RALGAPA1: variants seen among roughly 807,000 people sequenced by gnomAD.
RALGAPA1 encodes the protein ral GTPase-activating protein subunit alpha-1.
A neutral mutation model predicts 269.6 loss-of-function variants in RALGAPA1; 52 were observed. The ratio of observed to expected loss-of-function variants is 0.19; its 90% CI spans 0.15 to 0.24. The LOEUF is 0.24. Ranked by LOEUF, RALGAPA1 falls within the 10% of genes least tolerant of loss-of-function variation. The probability of loss-of-function intolerance (pLI) is 1.00; values close to 1 mark genes in which losing one functional copy is unlikely to be tolerated. For synonymous variants in RALGAPA1, 817 were observed against 1,008.3 expected (o/e 0.81, Z 3.60); for missense variants, 1,917 against 3,013.9 (o/e 0.64, Z 8.52).
rs1461339216 is a variant in RALGAPA1, at chr14:35,715,714, T to A, written c.2266+5974A>T. 5 of 985,284 alleles carry A rather than the reference T, an allele frequency of 5.1e-6. No individual in the cohort carries two copies. The East Asian group carries it at 4.5e-4, about 89-fold the overall frequency. The allele number at this position is 985,284 out of a possible 1,614,324, so 61.0% of individuals were successfully genotyped here. On this transcript the variant is annotated intron_variant, in intron 16 of 41. Transcript: ENST00000680220. ...TCAGGAAGCATTACTGACCTGAAAT[T>A]AACTTGTATCCTTCTCAAGATAACC... is the stretch of plus-strand genomic sequence containing the variant.
At chr14:35,715,241 C>T (rs1308464283) in intron 16 of RALGAPA1, among the ~76,000 whole-genome samples, 1 of 152,200 alleles carries the variant, frequency 6.6e-6, no homozygotes, top group Admixed American at 6.5e-5. Flanking sequence ...CTCTCCTTCA[C>T]ATTTCCCGTC....
At chr14:35,663,607 T>TTG (rs1555394653) in intron 27 of RALGAPA1, among the ~76,000 whole-genome samples, 2 of 150,526 alleles carry the variant, frequency 1.3e-5, no homozygotes, top group African/African-American at 4.9e-5. Flanking sequence ...TTTTTTTTTT[T>TTG]GAGACGGAGT....
intron 35 of RALGAPA1, among the ~76,000 whole-genome samples, chr14:35,624,222 A>AC (rs2060847829): frequency 6.6e-6 from 1 of 151,136 alleles, no homozygotes; most frequent in Non-Finnish European, 1.5e-5. Context: ...AAAAAAAAAA[A>AC]AAAAAAGGAG....
At chr14:35,748,422 C>A in intron 10 of RALGAPA1, 163 bp downstream of exon 10, 1 of 642,900 alleles carries the variant, frequency 1.6e-6, no homozygotes, top group Non-Finnish European at 2.2e-6. Context: ...CCATGTTGTC[C>A]AAAGTGGCCT....
At chr14:35,603,891 G>A (rs991781514) in intron 36 of RALGAPA1, among the ~76,000 whole-genome samples, 3 of 151,982 alleles carry the variant, frequency 2.0e-5, no homozygotes, top group Admixed American at 6.6e-5. Context: ...TAATGAATAC[G>A]AAACATATAG....
chr14:35,702,724 A>ATATAT lies in RALGAPA1; in HGVS notation c.2267-2423_2267-2422insATATA, dbSNP rs5807841. Among the ~76,000 whole-genome samples, 590 of 132,686 alleles carry ATATAT rather than the reference A, an allele frequency of 4.4e-3. 2 individuals carry two copies. The highest frequency in any genetic ancestry group is 0.018 in the African/African-American group (537 of 29,738). The allele number at this position is 132,686 out of a possible 152,430, so 87.0% of individuals were successfully genotyped here. A position where few individuals can be genotyped will look rare whatever the true frequency, so the allele number is the denominator to read the frequency against. On this transcript the variant is annotated intron_variant, in intron 16 of 41. Transcript: ENST00000680220. ...TGTAATCACCTTTAATTAAAAAAAA[A>ATATAT]AAATATATATATATATACATTTTTT...
rs779261664 is a variant in RALGAPA1, at chr14:35,627,127, G to A, written c.6820C>T (p.Leu2274Phe). The change falls in exon 34 of 42, where the codon CTT becomes TTT. Residue 2274 changes from leucine (L) to phenylalanine (F), a missense_variant. Around this residue, in one of 11 missense-constraint regions of RALGAPA1, gnomAD observed 132 missense variants for 271.2 expected, o/e 0.49. Transcript: ENST00000680220. The part of the protein sequence containing the change: ...PQSAFYYCRL[L>F]LSILGMNSWD... ...GAATTCATTCCCAATATACTAAGAA[G>A]CAATCTGCAATAATAAAATGCTGAC... 3.8e-6 allele frequency: 6 copies of A among 1,561,812 alleles called. No homozygotes were observed. In the South Asian group the frequency reaches 6.2e-5, roughly 16 times the overall value.
intron 4 of RALGAPA1, among the ~76,000 whole-genome samples, chr14:35,764,848 C>T (rs2074018338): frequency 6.6e-6 from 1 of 152,088 alleles, no homozygotes; most frequent in African/African-American, 2.4e-5. Context: ...CCATGCCTGG[C>T]CTTAAATTTT....
rs371005322 is a variant in RALGAPA1 at position 35,591,288 on chromosome 14, CTATGTATGTATGTATG to C, written c.7209+4330_7209+4345del. 3.0e-3 allele frequency among the ~76,000 whole-genome samples: 455 copies of C among 150,056 alleles called. 6 individuals are homozygous for C. The East Asian group carries it at 0.057, about 19-fold the overall frequency. On this transcript the variant is annotated intron_variant, in intron 37 of 41. Transcript: ENST00000680220. ...GATACAGCATGTTATATTTTAAGTG[CTATGTATGTATGTATG>C]TATGTATGTATGTATGTATGTGTTT...
chr14:35,561,264 C>A (rs1390047153), intron 39 of RALGAPA1, among the ~76,000 whole-genome samples: 1 of 138,132 alleles, frequency 7.2e-6, no homozygotes, highest in African/African-American at 2.6e-5. Flanking sequence ...ACAGTAACAT[C>A]ATCAACAGGC....
rs75084454 is a variant in RALGAPA1 at position 35,558,714 on chromosome 14, C to T, written c.7497-9480G>A. 2.2e-4 allele frequency among the ~76,000 whole-genome samples: 33 copies of T among 152,210 alleles called. 1 individual carries two copies. The East Asian group carries it at 6.4e-3, about 29-fold the overall frequency. On this transcript the variant is annotated intron_variant, in intron 39 of 41. Transcript: ENST00000680220. ...TTCTGAACAGCAATTAGTAAAGCAA[C>T]CCCTTCCCCTCCTCCCTAGTGCTGT...
At chr14:35,769,701 T>C (rs2074473607) in intron 4 of RALGAPA1, among the ~76,000 whole-genome samples, 1 of 152,124 alleles carries the variant, frequency 6.6e-6, no homozygotes, top group Non-Finnish European at 1.5e-5. Flanking sequence ...AAGGAATAAC[T>C]TGAACAACTT....
intron 20 of RALGAPA1, 135 bp from the exon 21 acceptor site, chr14:35,684,120 G>T: frequency 1.6e-6 from 1 of 641,060 alleles, no homozygotes. Flanking sequence ...TCAGACAAGT[G>T]TAAATAATCT....
chr14:35,634,184 C>T (rs1003606961), intron 33 of RALGAPA1, among the ~76,000 whole-genome samples: 2 of 151,944 alleles, frequency 1.3e-5, no homozygotes, highest in Non-Finnish European at 2.9e-5. Flanking sequence ...AATCTGAAAT[C>T]CAAAAATTTT....
At chr14:35,762,637 GAA>G in intron 5 of RALGAPA1, 71 bp downstream of exon 5, 1 of 861,912 alleles carries the variant, frequency 1.2e-6, no homozygotes, top group Non-Finnish European at 2.0e-6. Flanking sequence ...GCTTAGGTAG[GAA>G]AAGTGTTAAC....
At chr14:35,685,193 C>A in intron 19 of RALGAPA1, 48 bp from the exon 20 acceptor site, 1 of 1,473,852 alleles carries the variant, frequency 6.8e-7, no homozygotes, top group Non-Finnish European at 9.2e-7. Context: ...CTTTTATTCT[C>A]TTTAACCATC....
At position 35,689,449 on chromosome 14, in the gene RALGAPA1, G is replaced by C. The variant is rs2066290865; in HGVS notation, c.2962C>G (p.Gln988Glu). 8.1e-7 allele frequency: 1 copy of C among 1,232,448 alleles called. No individual in the cohort carries two copies. Among genetic ancestry groups the C allele is most frequent in the Admixed American group, 4.2e-5 (1 of 23,728 alleles). 76.3% of individuals were successfully genotyped at this position (1,232,448 alleles called of 1,614,324 possible). A position where few individuals can be genotyped will look rare whatever the true frequency, so the allele number is the denominator to read the frequency against. Residue 988 changes from glutamine (Q) to glutamate (E), a missense_variant, in exon 18 of 42, where the codon CAG (glutamine) becomes GAG (glutamate). By Grantham distance (29) the Gln-to-Glu change is conservative. This residue lies in a region of RALGAPA1 where 615 missense variants were observed against 790.0 expected (regional missense o/e 0.78). Transcript: ENST00000680220. ...LSLDKLECTDQETESENITSF... is the reference protein window; with the variant it reads ...LSLDKLECTDEETESENITSF... Reference sequence around the variant, plus strand: ...GTGATATTTTCTGATTCAGTTTCCTGATCTGTGCATTCTAATTTATCTAAG... The same window carrying C: ...GTGATATTTTCTGATTCAGTTTCCTCATCTGTGCATTCTAATTTATCTAAG...
chr14:35,780,464 G>A (rs1193804054), intron 1 of RALGAPA1, among the ~76,000 whole-genome samples: 1 of 152,222 alleles, frequency 6.6e-6, no homozygotes, highest in African/African-American at 2.4e-5. Flanking sequence ...TAGACCATAT[G>A]TAAGGCCATA....
chr14:35,540,188 C>CA (rs1047583251), intron 41 of RALGAPA1, among the ~76,000 whole-genome samples: 3 of 151,578 alleles, frequency 2.0e-5, no homozygotes, highest in African/African-American at 7.3e-5. Flanking sequence ...CAAAACAAAA[C>CA]AAAAAAAGGA....
Sources: allele counts gnomAD v4.1 joint callset (sites outside exome capture counted in the v4.1 genomes callset), GRCh38; gene constraint gnomAD v4.1.1; regional missense constraint gnomAD v4.1.1; transcripts MANE v1.5; gene names NCBI Gene and HGNC (gene_info 2026-07-23, HGNC 2026-07-21).